The following FGF12 variants were observed in gnomAD, a reference collection of about 807,000 sequenced individuals.
FGF12 encodes fibroblast growth factor 12B.
In FGF12, 14 loss-of-function variants were observed where a neutral mutation model predicts 23.6. The observed-to-expected ratio is 0.59, with a 90% confidence interval of 0.39 to 0.93. The LOEUF (loss-of-function observed/expected upper bound fraction) is 0.93, where lower values mean the gene tolerates loss of function less well. Among genes scored for constraint, FGF12 ranks in the 40% least tolerant of loss-of-function variants. The pLI, the probability that FGF12 is intolerant of heterozygous loss-of-function variation, is 0.00. For missense variants in FGF12, 175 were observed against 217.8 expected, an observed-to-expected ratio of 0.80 and a Z score of 1.24; for synonymous variants, 62 against 77.3, an observed-to-expected ratio of 0.80 and a Z score of 1.04.
intron 2 of FGF12, among the ~76,000 whole-genome samples, chr3:192,658,519 G>C (rs1019659080): frequency 2.6e-5 from 4 of 152,168 alleles, no homozygotes; most frequent in African/African-American, 9.7e-5. Context: ...GCAGAGTTTG[G>C]AGCGTGCTAA....
intron 2 of FGF12, among the ~76,000 whole-genome samples, chr3:192,627,005 T>C (rs1372787676): frequency 6.6e-6 from 1 of 152,210 alleles, no homozygotes; most frequent in Non-Finnish European, 1.5e-5. Context: ...GTATTACTAC[T>C]AACCAAATAC....
intron 2 of FGF12, among the ~76,000 whole-genome samples, chr3:192,467,334 A>G (rs1394200263): frequency 6.6e-6 from 1 of 152,168 alleles, no homozygotes; most frequent in Non-Finnish European, 1.5e-5. Flanking sequence ...GGCTTAGGTG[A>G]ATTCTGAGGG....
At chr3:192,518,879 C>T (rs905106976) in intron 2 of FGF12, among the ~76,000 whole-genome samples, 2 of 151,682 alleles carry the variant, frequency 1.3e-5, no homozygotes, top group East Asian at 3.9e-4. Context: ...TTTTCCTTCC[C>T]CTCCCTGACT....
intron 2 of FGF12, among the ~76,000 whole-genome samples, chr3:192,508,405 CAAAG>C (rs1724375288): frequency 1.3e-5 from 2 of 152,272 alleles, no homozygotes; most frequent in South Asian, 4.1e-4. Context: ...CTAAATTAGA[CAAAG>C]AACAATAATT....
intron 2 of FGF12, among the ~76,000 whole-genome samples, chr3:192,630,441 A>G (rs940417670): frequency 1.3e-4 from 20 of 152,312 alleles, no homozygotes; most frequent in Admixed American, 1.2e-3. Flanking sequence ...GGCTAAAAAA[A>G]AAAAATTACC....
chr3:192,381,612 G>A lies in FGF12; in HGVS notation c.14-21074C>T, dbSNP rs1010586920. Among the ~76,000 whole-genome samples the A allele has an allele frequency of 3.3e-5, 5 of 152,248 alleles. No homozygotes were observed. The East Asian group carries it at 7.7e-4, about 23-fold the overall frequency. The stretch of plus-strand genomic sequence containing the variant: ...GATAAACCTCACCAAACCCTAGGGC[G>A]TCAAAAATGGCTCCCTCAGGATAGA... On this transcript the variant is annotated intron_variant, in intron 2 of 5. Coordinates refer to ENST00000445105, the MANE Select transcript of FGF12 (RefSeq NM_004113.6).
In FGF12 at chr3:192,653,359, C is replaced by T. The variant is rs190826178; in HGVS notation, c.13+73822G>A. 7.0e-3 allele frequency among the ~76,000 whole-genome samples: 1,069 copies of T among 152,254 alleles called. 8 individuals carry two copies. The highest frequency in any genetic ancestry group is 0.01 in the Non-Finnish European group (700 of 68,034). On this transcript the variant is annotated intron_variant, in intron 2 of 5. Coordinates refer to ENST00000445105, the MANE Select transcript of FGF12 (RefSeq NM_004113.6). ...AAAAATCTCACTTTTCCCAAATCAT[C>T]CCCAGGAGTTTCTCTGGTCCCTACA...
rs771074945 is a variant in FGF12, at chr3:192,173,376, C to T, written c.229-2720G>A. On this transcript the variant is annotated intron_variant, in intron 4 of 5. Transcript: ENST00000445105. Reference sequence around the variant, plus strand: ...AAACTATTGCACATTCCTTGCCTGGCAGCACAGGGCTATATGATAACCCAT... The same window carrying T: ...AAACTATTGCACATTCCTTGCCTGGTAGCACAGGGCTATATGATAACCCAT... Among the ~76,000 whole-genome samples, 37 of 150,706 alleles carry T rather than the reference C, an allele frequency of 2.5e-4. 2 individuals carry two copies. Among genetic ancestry groups the T allele is most frequent in the Admixed American group, 8.7e-4 (13 of 15,026 alleles).
intron 4 of FGF12, among the ~76,000 whole-genome samples, chr3:192,177,836 CCTTGACTACCTTA>C (rs1484007229): frequency 6.6e-6 from 1 of 152,138 alleles, no homozygotes; most frequent in Non-Finnish European, 1.5e-5. Context: ...GAGAAAGCTC[CCTTGACTACCTTA>C]CATAATTTAG....
chr3:192,443,652 C>T (rs915900153), intron 2 of FGF12, among the ~76,000 whole-genome samples: 2 of 152,140 alleles, frequency 1.3e-5, no homozygotes, highest in Admixed American at 6.5e-5. Context: ...CAAAATGTCT[C>T]TCAATATACC....
At position 192,279,682 on chromosome 3, in the gene FGF12, G is replaced by A. The variant is rs1261698512; in HGVS notation, c.228+55679C>T. Among the ~76,000 whole-genome samples the A allele has an allele frequency of 5.3e-5, 8 of 152,260 alleles. No homozygotes were observed. The East Asian group carries it at 1.5e-3, about 29-fold the overall frequency. ...GATTTCCCCTAGATCAATTTGTGAG[G>A]ACTCAGCTGTATCATAAACAATAAA... is the stretch of plus-strand genomic sequence containing the variant. On this transcript the variant is annotated intron_variant, in intron 4 of 5. Coordinates refer to ENST00000445105, the MANE Select transcript of FGF12 (RefSeq NM_004113.6).
At chr3:192,149,144 T>G (rs980222036) in intron 5 of FGF12, among the ~76,000 whole-genome samples, 1 of 152,146 alleles carries the variant, frequency 6.6e-6, no homozygotes, top group African/African-American at 2.4e-5. Context: ...AAATGAAGAG[T>G]TAACGTCCAT....
At chr3:192,328,501 T>C (rs1716941644) in intron 4 of FGF12, among the ~76,000 whole-genome samples, 2 of 152,194 alleles carry the variant, frequency 1.3e-5, no homozygotes, top group South Asian at 4.1e-4. Flanking sequence ...AAGACGACAA[T>C]AGAAGCTCAG....
At chr3:192,675,584 A>T (rs1717300613) in intron 2 of FGF12, among the ~76,000 whole-genome samples, 1 of 152,116 alleles carries the variant, frequency 6.6e-6, no homozygotes, top group Non-Finnish European at 1.5e-5. Flanking sequence ...TTTGTAGCCT[A>T]AGAAGGGAGC....
intron 2 of FGF12, among the ~76,000 whole-genome samples, chr3:192,437,300 C>A (rs1448293511): frequency 6.6e-6 from 1 of 152,170 alleles, no homozygotes; most frequent in Non-Finnish European, 1.5e-5. Flanking sequence ...TCATCAAATA[C>A]AAGGAGCTAA....
At chr3:192,658,645 T>G (rs1271064881) in intron 2 of FGF12, among the ~76,000 whole-genome samples, 1 of 152,014 alleles carries the variant, frequency 6.6e-6, no homozygotes, top group Non-Finnish European at 1.5e-5. Context: ...TTCTTTTAAA[T>G]CATAGTTTTG....
Position 192,449,366 on chromosome 3 carries a change from CA to C in FGF12, c.14-88829del, listed in dbSNP as rs143940278. Among the ~76,000 whole-genome samples, 167 of 152,216 alleles carry C rather than the reference CA, an allele frequency of 1.1e-3. 5 individuals carry two copies. The East Asian group carries it at 0.031, about 28-fold the overall frequency. ...TCACAAATTGTGGTGCTCACAGACC[CA>C]GAATGTGAAGCCCCTTGGTAAGCTT... On this transcript the variant is annotated intron_variant, in intron 2 of 5. Coordinates refer to ENST00000445105, the MANE Select transcript of FGF12 (RefSeq NM_004113.6).
At chr3:192,416,932 A>G (rs1283398727) in intron 2 of FGF12, among the ~76,000 whole-genome samples, 1 of 152,094 alleles carries the variant, frequency 6.6e-6, no homozygotes, top group Non-Finnish European at 1.5e-5. Context: ...AATGTATAAG[A>G]ATATTTCTTT....
intron 4 of FGF12, among the ~76,000 whole-genome samples, chr3:192,180,900 C>T (rs1716135503): frequency 6.6e-6 from 1 of 152,112 alleles, no homozygotes; most frequent in African/African-American, 2.4e-5. Context: ...TGTTGGTTTT[C>T]TTGCTTTCTT....
Sources: gnomAD v4.1 joint callset for allele counts (sites outside exome capture counted in the v4.1 genomes callset) on GRCh38, gnomAD v4.1.1 for gene constraint, MANE v1.5 for transcripts, NCBI Gene and HGNC (gene_info 2026-07-23, HGNC 2026-07-21) for gene names.